The following SLC14A2 variants were observed in gnomAD, a reference collection of about 807,000 sequenced individuals.
The protein encoded by SLC14A2 is solute carrier family 14 member 2, also known as urea transporter 2.
In SLC14A2, 91 loss-of-function variants were observed where a neutral mutation model predicts 104.6. The ratio of observed to expected loss-of-function variants is 0.87; its 90% CI spans 0.73 to 1.04. The LOEUF is 1.04. Among genes scored for constraint, SLC14A2 ranks in the 50% least tolerant of loss-of-function variants. The pLI is 0.00. For missense variants in SLC14A2, 1,189 were observed against 1,156.0 expected (o/e 1.03, Z -0.41); for synonymous variants, 476 against 466.4 (o/e 1.02, Z -0.27).
chr18:45,419,790 T>C (rs574816441), intron 1 of SLC14A2, among the ~76,000 whole-genome samples: 26 of 143,326 alleles, frequency 1.8e-4, no homozygotes, highest in African/African-American at 6.7e-4. Context: ...AAAAAAAAAA[T>C]CTCCAGTTTT....
At chr18:45,237,624 A>G (rs1403209475) in intron 1 of SLC14A2, among the ~76,000 whole-genome samples, 2 of 152,074 alleles carry the variant, frequency 1.3e-5, no homozygotes, top group African/African-American at 4.8e-5. Context: ...TTCCCATCTA[A>G]TTTTTCATAT....
At chr18:45,494,467 G>C (rs946637004) in intron 2 of SLC14A2, among the ~76,000 whole-genome samples, 13 of 152,070 alleles carry the variant, frequency 8.5e-5, no homozygotes, top group Middle Eastern at 3.4e-3. Flanking sequence ...TTGCAATCTC[G>C]GCTCACTGCA....
chr18:45,389,731 A>G (rs1272403309), intron 1 of SLC14A2, among the ~76,000 whole-genome samples: 1 of 152,252 alleles, frequency 6.6e-6, no homozygotes, highest in Non-Finnish European at 1.5e-5. Flanking sequence ...AAAGTCTGAC[A>G]TGAACTTGAT....
At chr18:45,223,404 T>C (rs556675550) in intron 1 of SLC14A2, among the ~76,000 whole-genome samples, 50 of 152,326 alleles carry the variant, frequency 3.3e-4, no homozygotes, top group African/African-American at 1.2e-3. Context: ...TCTGTGTGTG[T>C]GGTCTCCTAC....
intron 1 of SLC14A2, among the ~76,000 whole-genome samples, chr18:45,415,220 C>A (rs1221990589): frequency 1.3e-5 from 2 of 152,122 alleles, no homozygotes; most frequent in African/African-American, 4.8e-5. Flanking sequence ...CTCTTTACTG[C>A]AGACTAGTAA....
intron 1 of SLC14A2, among the ~76,000 whole-genome samples, chr18:45,402,154 T>C (rs1211455962): frequency 1.3e-5 from 2 of 152,128 alleles, no homozygotes; most frequent in Admixed American, 6.5e-5. Context: ...AATAGAGAAC[T>C]GGGCACTGTC....
chr18:45,454,311 G>A (rs1238620881), intron 1 of SLC14A2, among the ~76,000 whole-genome samples: 1 of 152,228 alleles, frequency 6.6e-6, no homozygotes, highest in Non-Finnish European at 1.5e-5. Context: ...GGTTCACAGA[G>A]CTGTCTGGGG....
chr18:45,285,156 A>C (rs558886353), intron 1 of SLC14A2, among the ~76,000 whole-genome samples: 1 of 152,326 alleles, frequency 6.6e-6, no homozygotes, highest in Admixed American at 6.5e-5. Flanking sequence ...GGAGGGTGAT[A>C]CATTCTATTG....
intron 2 of SLC14A2, among the ~76,000 whole-genome samples, chr18:45,525,700 T>A (rs904954021): frequency 6.6e-6 from 1 of 152,230 alleles, no homozygotes; most frequent in East Asian, 1.9e-4. Context: ...CATCATCACA[T>A]TTTAGATGAT....
chr18:45,526,675 G>A (rs190575627), intron 2 of SLC14A2, among the ~76,000 whole-genome samples: 9 of 152,186 alleles, frequency 5.9e-5, no homozygotes, highest in Non-Finnish European at 1.2e-4. Flanking sequence ...TATAGAGGGG[G>A]AAGATGGGTA....
At chr18:45,475,642 GATATATAT>G (rs137928157) in intron 1 of SLC14A2, among the ~76,000 whole-genome samples, 1,896 of 48,912 alleles carry the variant, frequency 0.039, 48 homozygotes, top group Middle Eastern at 0.053. Flanking sequence ...ATATATTTAG[GATATATAT>G]ATATATATAT....
intron 2 of SLC14A2, among the ~76,000 whole-genome samples, chr18:45,585,272 G>A (rs146742268): frequency 3.9e-4 from 60 of 152,068 alleles, no homozygotes; most frequent in Middle Eastern, 3.4e-3. Context: ...TTGTAACTCC[G>A]TCCCCTATCA....
intron 1 of SLC14A2, among the ~76,000 whole-genome samples, chr18:45,391,232 A>G (rs961266392): frequency 1.6e-4 from 24 of 152,186 alleles, no homozygotes; most frequent in Non-Finnish European, 3.2e-4. Flanking sequence ...AGCTTCATCC[A>G]TGTCCCTACA....
intron 2 of SLC14A2, among the ~76,000 whole-genome samples, chr18:45,502,200 T>C (rs1052268188): frequency 2.0e-5 from 3 of 152,120 alleles, no homozygotes; most frequent in African/African-American, 4.8e-5. Context: ...ATGGGAAGAT[T>C]AGGGGTGGGG....
chr18:45,255,208 C>T (rs148433142), intron 1 of SLC14A2, among the ~76,000 whole-genome samples: 46 of 152,278 alleles, frequency 3.0e-4, no homozygotes, highest in Non-Finnish European at 4.9e-4. Context: ...CAGACTTTCT[C>T]CCTCTCCCAG....
chr18:45,367,815 A>G (rs544242854), intron 1 of SLC14A2, among the ~76,000 whole-genome samples: 10 of 152,310 alleles, frequency 6.6e-5, no homozygotes, highest in East Asian at 5.8e-4. Flanking sequence ...TTACTCTGCT[A>G]TAAGAGGCTA....
intron 10 of SLC14A2, among the ~76,000 whole-genome samples, chr18:45,658,169 C>A (rs1215784222): frequency 6.6e-6 from 1 of 152,108 alleles, no homozygotes; most frequent in African/African-American, 2.4e-5. Flanking sequence ...GCCCAGGAAG[C>A]TGGGGAGGGA....
intron 2 of SLC14A2, among the ~76,000 whole-genome samples, chr18:45,589,414 G>A (rs1053559315): frequency 6.6e-6 from 1 of 152,150 alleles, no homozygotes. Flanking sequence ...TTTCAACATG[G>A]TGAGGGGCCA....
intron 1 of SLC14A2, among the ~76,000 whole-genome samples, chr18:45,398,053 A>C (rs2086055662): frequency 6.6e-6 from 1 of 152,204 alleles, no homozygotes; most frequent in Admixed American, 6.5e-5. Context: ...AGGAATTTAC[A>C]CATATAATCT....
Sources: gnomAD v4.1 joint callset for allele counts (sites outside exome capture counted in the v4.1 genomes callset) on GRCh38, gnomAD v4.1.1 for gene constraint, MANE v1.5 for transcripts, NCBI Gene and HGNC (gene_info 2026-07-23, HGNC 2026-07-21) for gene names.